The following NXN variants were observed in gnomAD, a reference collection of about 807,000 sequenced individuals.
NXN encodes the protein nucleoredoxin 1.
Under a neutral mutation model 48.6 loss-of-function variants are expected in NXN, and 16 were observed. The ratio of observed to expected loss-of-function variants is 0.33; its 90% CI spans 0.22 to 0.50. The LOEUF is 0.50. Among genes scored for constraint, NXN ranks in the 20% least tolerant of loss-of-function variants. The pLI is 0.98. For missense variants in NXN, 492 were observed against 605.5 expected (o/e 0.81, Z 1.97); for synonymous variants, 281 against 269.6 (o/e 1.04, Z -0.41).
intron 1 of NXN, among the ~76,000 whole-genome samples, chr17:877,173 A>C (rs1387898721): frequency 6.6e-6 from 1 of 151,746 alleles, no homozygotes; most frequent in East Asian, 1.9e-4. Flanking sequence ...TTGGAGACGG[A>C]GTCTCACTCT....
chr17:970,505 G>A (rs1018293385), intron 1 of NXN, among the ~76,000 whole-genome samples: 2 of 152,072 alleles, frequency 1.3e-5, no homozygotes, highest in East Asian at 1.9e-4. Context: ...AGAGGTTCTC[G>A]CTCTCCTGCC....
intron 5 of NXN, among the ~76,000 whole-genome samples, chr17:809,786 G>A (rs181765557): frequency 2.9e-4 from 28 of 96,668 alleles, no homozygotes; most frequent in Non-Finnish European, 1.9e-4. Context: ...ACTGCCGAGC[G>A]CACAGTGCCG....
intron 1 of NXN, among the ~76,000 whole-genome samples, chr17:909,206 A>G (rs922162733): frequency 6.6e-6 from 1 of 152,136 alleles, no homozygotes; most frequent in African/African-American, 2.4e-5. Context: ...AGAATAATGA[A>G]GATTAAACAA....
chr17:915,722 G>A (rs1345170469), intron 1 of NXN, among the ~76,000 whole-genome samples: 1 of 152,230 alleles, frequency 6.6e-6, no homozygotes, highest in Admixed American at 6.5e-5. Context: ...AAACCAAGAA[G>A]GCAGAGACCA....
chr17:885,218 T>C (rs610378), intron 1 of NXN, among the ~76,000 whole-genome samples: 145,610 of 152,298 alleles, frequency 0.96, 69,777 homozygotes, highest in Middle Eastern at 0.99. Context: ...AATCCCAGCA[T>C]TTTGGGAGGC....
chr17:804,952 C>G (rs1484516456), intron 6 of NXN, 116 bp downstream of exon 6: 3 of 1,126,738 alleles, frequency 2.7e-6, no homozygotes, highest in Non-Finnish European at 3.9e-6. Flanking sequence ...GACAAAGGCC[C>G]AGGCTTGCAC....
rs1213097752 is a variant in NXN, at chr17:877,900, ATGAAGCTC to A, written c.361-51830_361-51823del. 3 of 152,414 alleles carry A rather than the reference ATGAAGCTC, an allele frequency of 2.0e-5. No individual in the cohort carries two copies. In the East Asian group the frequency reaches 5.8e-4, roughly 29 times the overall value. 9.4% of individuals were successfully genotyped at this position (152,414 alleles called of 1,614,324 possible). On this transcript the variant is annotated intron_variant, in intron 1 of 7. Coordinates refer to ENST00000336868, the MANE Select transcript of NXN (RefSeq NM_022463.5). ...CACACGTTTTTCCAGACTGTGAACCATGAAGCTCTGAAGGCTGCTAGGAGGGCCACGGG... is the reference window on the plus strand; with the variant it reads ...CACACGTTTTTCCAGACTGTGAACCATGAAGGCTGCTAGGAGGGCCACGGG...
chr17:934,497 G>A (rs1018715897), intron 1 of NXN, among the ~76,000 whole-genome samples: 3 of 150,686 alleles, frequency 2.0e-5, no homozygotes, highest in African/African-American at 7.4e-5. Flanking sequence ...CTGGAAGTAA[G>A]AGAAGTATAG....
chr17:872,336 A>G (rs1414881390), intron 1 of NXN, among the ~76,000 whole-genome samples: 3 of 151,176 alleles, frequency 2.0e-5, no homozygotes. Context: ...AACATCAAAG[A>G]CAAGGAGAGA....
At chr17:847,741 C>G (rs964981320) in intron 1 of NXN, among the ~76,000 whole-genome samples, 4 of 152,010 alleles carry the variant, frequency 2.6e-5, no homozygotes, top group Admixed American at 6.6e-5. Context: ...AAATAAGTAA[C>G]AGCAGGGAGA....
chr17:844,924 G>A (rs924067100), intron 1 of NXN, among the ~76,000 whole-genome samples: 3 of 152,044 alleles, frequency 2.0e-5, no homozygotes, highest in East Asian at 3.9e-4. Flanking sequence ...CAAGATGCCT[G>A]AAAACAGACC....
At chr17:842,962 AAGAG>A (rs1408726220) in intron 1 of NXN, among the ~76,000 whole-genome samples, 2 of 115,348 alleles carry the variant, frequency 1.7e-5, no homozygotes, top group Non-Finnish European at 1.9e-5. Flanking sequence ...GAAAGAAAGA[AAGAG>A]AGAAAGAGAG....
chr17:909,150 C>A (rs2068610083), intron 1 of NXN, among the ~76,000 whole-genome samples: 1 of 148,652 alleles, frequency 6.7e-6, no homozygotes, highest in South Asian at 2.1e-4. Flanking sequence ...GCAGTCTGTC[C>A]TAGTCAAACG....
chr17:922,949 G>A (rs2068763162), intron 1 of NXN, among the ~76,000 whole-genome samples: 1 of 151,636 alleles, frequency 6.6e-6, no homozygotes, highest in Non-Finnish European at 1.5e-5. Flanking sequence ...ACCACGCCCG[G>A]CCCACTCTGC....
At chr17:888,065 T>G (rs762244538) in intron 1 of NXN, among the ~76,000 whole-genome samples, 1 of 152,076 alleles carries the variant, frequency 6.6e-6, no homozygotes, top group South Asian at 2.1e-4. Context: ...TGTTCCTGTC[T>G]CCTCAACTTG....
intron 1 of NXN, among the ~76,000 whole-genome samples, chr17:873,107 G>T (rs1263369030): frequency 2.6e-5 from 4 of 152,170 alleles, no homozygotes; most frequent in Non-Finnish European, 5.9e-5. Context: ...AGACTTGGCG[G>T]GAACTTACAC....
intron 1 of NXN, among the ~76,000 whole-genome samples, chr17:931,251 C>T (rs930961723): frequency 1.3e-5 from 2 of 149,278 alleles, no homozygotes; most frequent in Non-Finnish European, 3.0e-5. Context: ...CGCGCCACTG[C>T]ACTCCAGCCT....
In NXN at chr17:979,723, C is replaced by G; in HGVS notation, c.-45G>C. 7.8e-7 allele frequency: 1 copy of G among 1,282,908 alleles called. No individual in the cohort carries two copies. Among genetic ancestry groups the G allele is most frequent in the East Asian group, 3.3e-5 (1 of 30,450 alleles). The allele number at this position is 1,282,908 out of a possible 1,614,324, so 79.5% of individuals were successfully genotyped here. A position where few individuals can be genotyped will look rare whatever the true frequency, so the allele number is the denominator to read the frequency against. On this transcript the variant is annotated 5_prime_UTR_variant, in exon 1 of 8. Coordinates refer to ENST00000336868, the MANE Select transcript of NXN (RefSeq NM_022463.5). ...GGCAGGCGGCTGCGACCCCGCTCCA[C>G]GGTCCGCGCGGCGGGAGGAGGCGGC...
chr17:859,436 T>A (rs1171175175), intron 1 of NXN, among the ~76,000 whole-genome samples: 1 of 151,882 alleles, frequency 6.6e-6, no homozygotes, highest in African/African-American at 2.4e-5. Flanking sequence ...TAATGTCAAG[T>A]AAAGAACAAC....
Sources: allele counts gnomAD v4.1 joint callset (sites outside exome capture counted in the v4.1 genomes callset), GRCh38; gene constraint gnomAD v4.1.1; transcripts MANE v1.5; gene names NCBI Gene and HGNC (gene_info 2026-07-23, HGNC 2026-07-21).